Variants in DPH6 observed in about 807,000 individuals in gnomAD.
The protein encoded by DPH6 is diphthine--ammonia ligase.
A neutral mutation model predicts 38.2 loss-of-function variants in DPH6; 33 were observed. That is an observed-to-expected ratio of 0.86 (90% CI 0.65 to 1.15). The LOEUF (loss-of-function observed/expected upper bound fraction) is 1.15, where lower values mean the gene tolerates loss of function less well. Among genes scored for constraint, DPH6 ranks in the 50% most tolerant of loss-of-function variants. DPH6 has a pLI of 0.00. For synonymous variants in DPH6, 108 were observed against 103.0 expected, an observed-to-expected ratio of 1.05 and a Z score of -0.30; for missense variants, 325 against 320.0, an observed-to-expected ratio of 1.02 and a Z score of -0.12.
chr15:35,487,082 C>T (rs543099645), intron 3 of DPH6, among the ~76,000 whole-genome samples: 1 of 152,300 alleles, frequency 6.6e-6, no homozygotes, highest in East Asian at 1.9e-4. Context: ...CTCCCAAGGC[C>T]TTGGGCAGCT....
chr15:35,191,631 T>C, the DPH6 span, among the ~76,000 whole-genome samples: 2 of 152,182 alleles, frequency 1.3e-5, no homozygotes, highest in African/African-American at 2.4e-5. Context: ...ACCAATGCAA[T>C]TGTCCAATAA....
intron 3 of DPH6, among the ~76,000 whole-genome samples, chr15:35,307,018 G>A (rs1304808252): frequency 6.6e-6 from 1 of 152,108 alleles, no homozygotes; most frequent in Non-Finnish European, 1.5e-5. Context: ...GGCAACTTTA[G>A]GGCTTTTATA....
intron 3 of DPH6, chr15:35,522,205 A>G: frequency 6.2e-7 from 1 of 1,613,400 alleles, no homozygotes; most frequent in Non-Finnish European, 8.5e-7. Context: ...CTGGCTGCCC[A>G]CTTTCAAATG....
intron 6 of DPH6, among the ~76,000 whole-genome samples, chr15:35,400,326 T>C (rs1312913928): frequency 6.6e-6 from 1 of 152,122 alleles, no homozygotes; most frequent in Non-Finnish European, 1.5e-5. Context: ...ACACTGGATA[T>C]TGATCCAATC....
intron 5 of DPH6, among the ~76,000 whole-genome samples, chr15:35,418,778 T>C (rs2053467158): frequency 6.6e-6 from 1 of 152,068 alleles, no homozygotes; most frequent in Non-Finnish European, 1.5e-5. Context: ...CAATTTATTA[T>C]CTATGTCATG....
At chr15:35,426,198 T>G (rs2053569013) in intron 5 of DPH6, among the ~76,000 whole-genome samples, 1 of 151,712 alleles carries the variant, frequency 6.6e-6, no homozygotes, top group African/African-American at 2.4e-5. Context: ...GATGTTTCAA[T>G]ACTTCAGTTA....
At chr15:35,167,992 T>C in the DPH6 span, among the ~76,000 whole-genome samples, 1 of 152,090 alleles carries the variant, frequency 6.6e-6, no homozygotes, top group African/African-American at 2.4e-5. Flanking sequence ...ATTCTGTTGC[T>C]GGAGATTACA....
chr15:35,499,562 G>A (rs1325706133), intron 3 of DPH6, among the ~76,000 whole-genome samples: 1 of 152,194 alleles, frequency 6.6e-6, no homozygotes, highest in Non-Finnish European at 1.5e-5. Context: ...TTGGGGAAAG[G>A]AGGAAGATAA....
chr15:35,393,329 G>A (rs1452202200), intron 6 of DPH6, among the ~76,000 whole-genome samples: 1 of 152,092 alleles, frequency 6.6e-6, no homozygotes, highest in Non-Finnish European at 1.5e-5. Flanking sequence ...TCCATCATAA[G>A]GTTCATGGTT....
chr15:35,463,250 T>C lies in DPH6; in HGVS notation c.313-8430A>G, dbSNP rs368550900. Among the ~76,000 whole-genome samples, 5 of 152,272 alleles carry C rather than the reference T, an allele frequency of 3.3e-5. No homozygotes were observed. In the East Asian group the frequency reaches 9.7e-4, roughly 29 times the overall value. Reference sequence around the variant, plus strand: ...CACCAATGGGGCTGTTATCAGTGCATCCTTTCTGAAAAATAATTTTGTAGT... The same window carrying C: ...CACCAATGGGGCTGTTATCAGTGCACCCTTTCTGAAAAATAATTTTGTAGT... On this transcript the variant is annotated intron_variant, in intron 3 of 8. Transcript: ENST00000256538.
downstream of DPH6, among the ~76,000 whole-genome samples, chr15:35,369,622 A>G (rs888529209): frequency 1.3e-5 from 1 of 75,740 alleles, no homozygotes; most frequent in Non-Finnish European, 2.7e-5. Flanking sequence ...CTGTTATATG[A>G]AAAAAAAAAA....
At chr15:35,485,177 C>T (rs2054380787) in intron 3 of DPH6, among the ~76,000 whole-genome samples, 1 of 152,084 alleles carries the variant, frequency 6.6e-6, no homozygotes, top group South Asian at 2.1e-4. Context: ...TGTCCAGGAT[C>T]ACACAGCTAG....
intron 1 of DPH6, 86 bp downstream of exon 1, chr15:35,546,033 G>A: frequency 8.4e-7 from 1 of 1,196,180 alleles, no homozygotes; most frequent in Non-Finnish European, 1.1e-6. Flanking sequence ...CTCAGACGGA[G>A]ACACCCACTC....
chr15:35,268,374 T>C (rs773323968), intron 3 of DPH6, among the ~76,000 whole-genome samples: 2 of 151,714 alleles, frequency 1.3e-5, no homozygotes, highest in Non-Finnish European at 1.5e-5. Flanking sequence ...AGAATAGCAA[T>C]GGTAGGAATG....
At chr15:35,376,210 T>A (rs1051213859) in intron 7 of DPH6, among the ~76,000 whole-genome samples, 1 of 152,180 alleles carries the variant, frequency 6.6e-6, no homozygotes, top group Non-Finnish European at 1.5e-5. Flanking sequence ...TACCCCACCC[T>A]GAGCTCTGTA....
intron 3 of DPH6, among the ~76,000 whole-genome samples, chr15:35,302,615 G>T (rs1043093848): frequency 1.3e-5 from 2 of 152,136 alleles, no homozygotes; most frequent in Non-Finnish European, 2.9e-5. Flanking sequence ...TTTGACAACT[G>T]ACTCCTTCGA....
intron 3 of DPH6, among the ~76,000 whole-genome samples, chr15:35,254,630 G>C (rs1310709746): frequency 6.6e-6 from 1 of 152,120 alleles, no homozygotes; most frequent in Non-Finnish European, 1.5e-5. Flanking sequence ...AAGCATCACT[G>C]GTCCAGAAAA....
In DPH6 at chr15:35,304,684, T is replaced by C. The variant is rs538234492; in HGVS notation, n.200+68837A>G. Among the ~76,000 whole-genome samples the C allele has an allele frequency of 5.3e-5, 8 of 152,022 alleles. No individual in the cohort carries two copies. The South Asian group carries it at 1.7e-3, about 32-fold the overall frequency. Reference sequence around the variant, plus strand: ...ATTACTCCTGATGTTCCAGTAAGAGTGCCTATTTTTATTTTTATTTTTGAA... The same window carrying C: ...ATTACTCCTGATGTTCCAGTAAGAGCGCCTATTTTTATTTTTATTTTTGAA... On this transcript the variant is annotated intron_variant and non_coding_transcript_variant, in intron 3 of 3. Coordinates refer to the DPH6 transcript ENST00000560386.
intron 3 of DPH6, among the ~76,000 whole-genome samples, chr15:35,307,587 T>C (rs1312480165): frequency 6.6e-6 from 1 of 152,150 alleles, no homozygotes; most frequent in African/African-American, 2.4e-5. Flanking sequence ...GAAAAATGCA[T>C]CAATTTTAAC....
Sources: allele counts gnomAD v4.1 joint callset (sites outside exome capture counted in the v4.1 genomes callset), GRCh38; gene constraint gnomAD v4.1.1; transcripts MANE v1.5; gene names NCBI Gene and HGNC (gene_info 2026-07-23, HGNC 2026-07-21).